ARHGAP5: variants seen among roughly 807,000 people sequenced by gnomAD.
The protein encoded by ARHGAP5 is rho GTPase-activating protein 5.
ARHGAP5 carries 23 observed loss-of-function variants against 116.6 expected under a neutral mutation model. That is an observed-to-expected ratio of 0.20 (90% CI 0.14 to 0.28). The LOEUF (loss-of-function observed/expected upper bound fraction) is 0.28. Among genes scored for constraint, ARHGAP5 ranks in the 10% least tolerant of loss-of-function variants. The pLI is 1.00. For synonymous variants in ARHGAP5, 574 were observed against 602.0 expected (o/e 0.95, Z 0.68); for missense variants, 1,405 against 1,774.8 (o/e 0.79, Z 3.74).
chr14:32,104,402 C>A lies in ARHGAP5; in HGVS notation c.3717+10016C>A, dbSNP rs551611192. On this transcript the variant is annotated intron_variant, in intron 2 of 6. Coordinates refer to ENST00000345122, the MANE Select transcript of ARHGAP5 (RefSeq NM_001030055.2). Reference sequence around the variant, plus strand: ...TTTGCCTGATAAGTATGTACAAAAACCTAGACCACATTTATTTACTCTGTT... The same window carrying A: ...TTTGCCTGATAAGTATGTACAAAAAACTAGACCACATTTATTTACTCTGTT... 1.4e-3 allele frequency among the ~76,000 whole-genome samples: 207 copies of A among 152,260 alleles called. 1 individual carries two copies. Among genetic ancestry groups the A allele is most frequent in the African/African-American group, 4.8e-3 (198 of 41,550 alleles).
At chr14:32,135,018 C>T (rs1880712562) in intron 3 of ARHGAP5, among the ~76,000 whole-genome samples, 1 of 152,140 alleles carries the variant, frequency 6.6e-6, no homozygotes, top group African/African-American at 2.4e-5. Flanking sequence ...CCATTGTGCC[C>T]ACATACCATT....
At chr14:32,081,029 T>C (rs553626171) in intron 1 of ARHGAP5, among the ~76,000 whole-genome samples, 1 of 152,330 alleles carries the variant, frequency 6.6e-6, no homozygotes, top group South Asian at 2.1e-4. Context: ...AGATTAGATT[T>C]AGCCTATTTT....
chr14:32,112,688 T>C (rs1879373571), intron 2 of ARHGAP5, among the ~76,000 whole-genome samples: 1 of 152,228 alleles, frequency 6.6e-6, no homozygotes, highest in Non-Finnish European at 1.5e-5. Flanking sequence ...CTGGCTAACG[T>C]GGTGAAACCC....
chr14:32,131,276 G>A (rs575883350), intron 3 of ARHGAP5, among the ~76,000 whole-genome samples: 2 of 124,072 alleles, frequency 1.6e-5, no homozygotes, highest in African/African-American at 6.1e-5. Flanking sequence ...TTTTAGGTTT[G>A]TCTTTATTTT....
At chr14:32,115,180 C>T (rs965539249) in intron 2 of ARHGAP5, among the ~76,000 whole-genome samples, 4 of 152,196 alleles carry the variant, frequency 2.6e-5, no homozygotes, top group African/African-American at 9.7e-5. Context: ...GAGAGTGAAT[C>T]AGAATCTCCT....
At chr14:32,142,965 A>G (rs531687214) in intron 3 of ARHGAP5, among the ~76,000 whole-genome samples, 14 of 152,138 alleles carry the variant, frequency 9.2e-5, no homozygotes, top group Non-Finnish European at 1.9e-4. Context: ...GATTATTTAT[A>G]CACCTTGCAT....
chr14:32,149,805 G>T (rs1020011086), intron 4 of ARHGAP5, 97 bp from the exon 5 acceptor site: 5 of 664,130 alleles, frequency 7.5e-6, no homozygotes, highest in Non-Finnish European at 1.1e-5. Flanking sequence ...AGTGGCCCAA[G>T]ACTTAAAGTT....
intron 2 of ARHGAP5, among the ~76,000 whole-genome samples, chr14:32,106,692 G>C (rs372897138): frequency 2.0e-5 from 3 of 152,130 alleles, no homozygotes; most frequent in African/African-American, 7.2e-5. Flanking sequence ...GGCCTTTGCT[G>C]ACCTTTTAAC....
At chr14:32,105,906 C>T (rs1296184296) in intron 2 of ARHGAP5, among the ~76,000 whole-genome samples, 1 of 152,132 alleles carries the variant, frequency 6.6e-6, no homozygotes, top group East Asian at 1.9e-4. Context: ...TTTCATTTAC[C>T]ATAATGCCCT....
intron 3 of ARHGAP5, among the ~76,000 whole-genome samples, chr14:32,126,227 T>TG (rs1374437099): frequency 1.3e-5 from 2 of 151,932 alleles, no homozygotes; most frequent in African/African-American, 2.4e-5. Flanking sequence ...TGTGGGTTTT[T>TG]TTTGTTTGTT....
intron 2 of ARHGAP5, among the ~76,000 whole-genome samples, chr14:32,106,731 CTCCAGG>C (rs1270567147): frequency 6.6e-6 from 1 of 152,188 alleles, no homozygotes; most frequent in Non-Finnish European, 1.5e-5. Flanking sequence ...TACTCTTAAG[CTCCAGG>C]TACATCAAAA....
At chr14:32,079,933 C>G (rs571993272) in intron 1 of ARHGAP5, among the ~76,000 whole-genome samples, 1 of 152,040 alleles carries the variant, frequency 6.6e-6, no homozygotes, top group Non-Finnish European at 1.5e-5. Context: ...TTAGTGATGT[C>G]TATGTTCCTA....
chr14:32,099,770 C>G (rs946908133), intron 2 of ARHGAP5, among the ~76,000 whole-genome samples: 3 of 152,082 alleles, frequency 2.0e-5, no homozygotes, highest in Non-Finnish European at 4.4e-5. Context: ...TTTGCTTGAG[C>G]CATAGTTTAG....
intron 2 of ARHGAP5, among the ~76,000 whole-genome samples, chr14:32,105,564 A>G (rs1447844832): frequency 6.6e-6 from 1 of 152,140 alleles, no homozygotes. Context: ...ATAGTACAAT[A>G]TCACAGCCAG....
At chr14:32,141,021 A>G (rs778260686) in intron 3 of ARHGAP5, among the ~76,000 whole-genome samples, 1 of 152,170 alleles carries the variant, frequency 6.6e-6, no homozygotes, top group Admixed American at 6.5e-5. Context: ...TTATAATTAT[A>G]TCTTACTGAT....
intron 3 of ARHGAP5, among the ~76,000 whole-genome samples, chr14:32,125,574 C>A (rs1027911522): frequency 2.6e-5 from 4 of 152,176 alleles, no homozygotes; most frequent in Non-Finnish European, 5.9e-5. Flanking sequence ...ACAGTGGATG[C>A]ACCATTTTAC....
chr14:32,138,256 A>G (rs1307745176), intron 3 of ARHGAP5, among the ~76,000 whole-genome samples: 1 of 151,980 alleles, frequency 6.6e-6, no homozygotes, highest in East Asian at 2.0e-4. Flanking sequence ...TGAATTTTGT[A>G]TTAACTTCTA....
chr14:32,128,570 T>G (rs1233110765), intron 3 of ARHGAP5, among the ~76,000 whole-genome samples: 2 of 152,214 alleles, frequency 1.3e-5, no homozygotes, highest in Non-Finnish European at 2.9e-5. Context: ...GTGGGCAGGA[T>G]CTTGGCATTC....
intron 2 of ARHGAP5, among the ~76,000 whole-genome samples, chr14:32,110,122 A>T (rs1191455631): frequency 6.6e-6 from 1 of 151,720 alleles, no homozygotes; most frequent in Admixed American, 6.6e-5. Context: ...TTTATTTCAT[A>T]GTGTTCCAGA....
Sources: allele counts gnomAD v4.1 joint callset (sites outside exome capture counted in the v4.1 genomes callset), GRCh38; gene constraint gnomAD v4.1.1; transcripts MANE v1.5; gene names NCBI Gene and HGNC (gene_info 2026-07-23, HGNC 2026-07-21).